Variants in ASAP1 observed in about 807,000 individuals in gnomAD.
The protein encoded by ASAP1 is arf-GAP with SH3 domain, ANK repeat and PH domain-containing protein 1.
Under a neutral mutation model 145.2 loss-of-function variants are expected in ASAP1, and 43 were observed. That is an observed-to-expected ratio of 0.30 (90% CI 0.23 to 0.38). The LOEUF is 0.38. ASAP1 is among the 10% of genes least tolerant of loss of function. The pLI, the probability that ASAP1 is intolerant of heterozygous loss-of-function variation, is 1.00. For missense variants in ASAP1, 1,018 were observed against 1,355.3 expected (o/e 0.75, Z 3.91); for synonymous variants, 546 against 515.5 (o/e 1.06, Z -0.80).
chr8:130,429,223 TA>T (rs922954868), intron 1 of ASAP1, among the ~76,000 whole-genome samples: 3 of 152,190 alleles, frequency 2.0e-5, no homozygotes, highest in African/African-American at 4.8e-5. Context: ...TATTTGTAAA[TA>T]AAAACACAAT....
At chr8:130,377,026 T>C (rs1827536076) in intron 2 of ASAP1, among the ~76,000 whole-genome samples, 1 of 151,850 alleles carries the variant, frequency 6.6e-6, no homozygotes, top group South Asian at 2.1e-4. Flanking sequence ...ATCTCAGAGT[T>C]GAATGGACTT....
chr8:130,127,936 C>T lies in ASAP1; in HGVS notation c.1372G>A (p.Gly458Ser). The change falls in exon 16 of 30, where the codon GGC (glycine) becomes AGC (serine). Residue 458 changes from glycine to serine, a missense_variant. Transcript: ENST00000518721. ...ATATGGGGACAAAAACCTGATGAGC[C>T]ACAATCGCAGCAAATGTCATTCCCT... ...LPGNDICCDC[G>S]SSEPTWLSTN... 2 of 1,612,628 alleles carry T rather than the reference C, an allele frequency of 1.2e-6. No homozygotes were observed. The highest frequency in any genetic ancestry group is 1.3e-5 in the African/African-American group (1 of 74,856).
At chr8:130,250,736 T>C (rs771974568) in intron 3 of ASAP1, among the ~76,000 whole-genome samples, 5 of 151,724 alleles carry the variant, frequency 3.3e-5, no homozygotes, top group African/African-American at 9.7e-5. Context: ...AAGAATTGCT[T>C]CTCATAAAAA....
intron 8 of ASAP1, among the ~76,000 whole-genome samples, chr8:130,179,689 A>T (rs1482041251): frequency 6.6e-6 from 1 of 152,168 alleles, no homozygotes. Context: ...TTTTTGCAGA[A>T]AGTACGCAGA....
At chr8:130,425,093 G>C (rs975848665) in intron 1 of ASAP1, among the ~76,000 whole-genome samples, 1 of 152,132 alleles carries the variant, frequency 6.6e-6, no homozygotes, top group Non-Finnish European at 1.5e-5. Context: ...CACTTTGAGA[G>C]GCCGAAGTGG....
chr8:130,156,677 T>C lies in ASAP1; in HGVS notation c.1010+3187A>G, dbSNP rs375376988. On this transcript the variant is annotated intron_variant, in intron 12 of 29. Transcript: ENST00000518721. ...AAAGGGGAGATACCCTGGCATTAAG[T>C]CAGAAGACCCAGGTTCAAATTTGAG... Among the ~76,000 whole-genome samples, 29 of 152,306 alleles carry C rather than the reference T, an allele frequency of 1.9e-4. No individual in the cohort carries two copies. The East Asian group carries it at 5.4e-3, about 28-fold the overall frequency.
Position 130,072,825 on chromosome 8 carries a change from G to GTGTGTGTGCGCGCGCGCGCGCA in ASAP1, c.2701+3522_2701+3523insTGCGCGCGCGCGCGCACACACA. Among the ~76,000 whole-genome samples the GTGTGTGTGCGCGCGCGCGCGCA allele has an allele frequency of 9.4e-4, 51 of 54,010 alleles. 1 individual carries two copies. Among genetic ancestry groups the GTGTGTGTGCGCGCGCGCGCGCA allele is most frequent in the East Asian group, 2.8e-3 (7 of 2,484 alleles). The allele number at this position is 54,010 out of a possible 152,430, so 35.4% of individuals were successfully genotyped here. A position where few individuals can be genotyped will look rare whatever the true frequency, so the allele number is the denominator to read the frequency against. On this transcript the variant is annotated intron_variant, in intron 27 of 29. Transcript: ENST00000518721. ...TGTGTGTGTGTGTGTGTGTGTGTGTGCGCGCGGGGGGGGGCAGTTTTGGGG... is the reference window on the plus strand; with the variant it reads ...TGTGTGTGTGTGTGTGTGTGTGTGTGTGTGTGTGCGCGCGCGCGCGCACGCGCGGGGGGGGGCAGTTTTGGGG...
Position 130,409,649 on chromosome 8 carries a change from A to G in ASAP1, c.-27-7679T>C, listed in dbSNP as rs545593676. ...AAGAAGGGCTGAGGTATTCTCCCTG[A>G]CAATGCCGAGGCTGCTGGACCTTAG... On this transcript the variant is annotated intron_variant, in intron 1 of 29. Coordinates refer to ENST00000518721, the MANE Select transcript of ASAP1 (RefSeq NM_018482.4). 5.3e-5 allele frequency among the ~76,000 whole-genome samples: 8 copies of G among 152,346 alleles called. No homozygotes were observed. In the East Asian group the frequency reaches 1.5e-3, roughly 29 times the overall value.
At chr8:130,090,669 T>C (rs1391476227) in intron 25 of ASAP1, among the ~76,000 whole-genome samples, 2 of 152,222 alleles carry the variant, frequency 1.3e-5, no homozygotes, top group Non-Finnish European at 2.9e-5. Flanking sequence ...CTTACCCACG[T>C]GTGTCCTGCA....
At chr8:130,340,783 G>A (rs1825324926) in intron 3 of ASAP1, 1 of 401,308 alleles carries the variant, frequency 2.5e-6, no homozygotes, top group African/African-American at 2.1e-5. Context: ...CTATTTTAAG[G>A]ATAAAATTTA....
rs149766557 is a variant in ASAP1, at chr8:130,382,688, A to G, written c.59+19197T>C. On this transcript the variant is annotated intron_variant, in intron 2 of 29. Coordinates refer to ENST00000518721, the MANE Select transcript of ASAP1 (RefSeq NM_018482.4). The stretch of plus-strand genomic sequence containing the variant: ...ATGGTGAAACCTCATTTCTATTAAA[A>G]ATACAAAAATTAGCTGGGCATGGCG... Among the ~76,000 whole-genome samples, 657 of 152,276 alleles carry G rather than the reference A, an allele frequency of 4.3e-3. 11 individuals carry two copies. Among genetic ancestry groups the G allele is most frequent in the Admixed American group, 0.024 (369 of 15,306 alleles).
At chr8:130,094,167 G>A (rs946545468) in intron 24 of ASAP1, among the ~76,000 whole-genome samples, 5 of 152,238 alleles carry the variant, frequency 3.3e-5, no homozygotes, top group African/African-American at 1.2e-4. Flanking sequence ...TTTTCAAAAT[G>A]TGTTTATATA....
chr8:130,373,084 A>C (rs1827296390), intron 2 of ASAP1, among the ~76,000 whole-genome samples: 1 of 140,424 alleles, frequency 7.1e-6, no homozygotes, highest in African/African-American at 2.7e-5. Context: ...ACACACAGAC[A>C]CCCCCCCACA....
intron 24 of ASAP1, among the ~76,000 whole-genome samples, chr8:130,097,821 T>C (rs964431774): frequency 7.2e-5 from 11 of 152,226 alleles, no homozygotes; most frequent in African/African-American, 2.4e-4. Flanking sequence ...GAAATCGATA[T>C]ATTCTTAAAC....
intron 9 of ASAP1, among the ~76,000 whole-genome samples, chr8:130,175,070 C>T (rs1290441713): frequency 6.6e-6 from 1 of 152,214 alleles, no homozygotes; most frequent in African/African-American, 2.4e-5. Flanking sequence ...GCATAGGTTG[C>T]AATCTTCCCA....
intron 5 of ASAP1, chr8:130,195,381 A>G (rs1030842927): frequency 6.3e-4 from 75 of 118,408 alleles, no homozygotes; most frequent in African/African-American, 2.8e-3. Flanking sequence ...CTCTTTAGGA[A>G]AAAAAAAAAA....
intron 27 of ASAP1, among the ~76,000 whole-genome samples, chr8:130,071,270 C>T (rs879928135): frequency 2.0e-5 from 3 of 152,136 alleles, no homozygotes; most frequent in Non-Finnish European, 2.9e-5. Context: ...CTGCGCCCAA[C>T]ACTTCAAAAA....
At chr8:130,341,835 CAAAT>C (rs2137923454) in intron 3 of ASAP1, among the ~76,000 whole-genome samples, 1 of 152,212 alleles carries the variant, frequency 6.6e-6, no homozygotes, top group East Asian at 1.9e-4. Flanking sequence ...TATTTATTAA[CAAAT>C]AAGAGGTAAA....
At position 130,134,420 on chromosome 8, in the gene ASAP1, C is replaced by T. The variant is rs936467397; in HGVS notation, c.1169-76G>A. The T allele has an allele frequency of 3.9e-5, 36 of 912,156 alleles. No homozygotes were observed. The South Asian group carries it at 7.0e-4, about 18-fold the overall frequency. The allele number at this position is 912,156 out of a possible 1,614,324, so 56.5% of individuals were successfully genotyped here. On this transcript the variant is annotated intron_variant, in intron 14 of 29. Coordinates refer to ENST00000518721, the MANE Select transcript of ASAP1 (RefSeq NM_018482.4). Reference sequence around the variant, plus strand: ...TTCAGGTACAACACAGATTTAAGTTCCTGGGAAGAAAACCAGTAAAAGTAG... The same window carrying T: ...TTCAGGTACAACACAGATTTAAGTTTCTGGGAAGAAAACCAGTAAAAGTAG...
Sources: allele counts gnomAD v4.1 joint callset (sites outside exome capture counted in the v4.1 genomes callset), GRCh38; gene constraint gnomAD v4.1.1; transcripts MANE v1.5; gene names NCBI Gene and HGNC (gene_info 2026-07-23, HGNC 2026-07-21).